Variants in XKR9 observed in about 807,000 individuals in gnomAD.
XKR9 encodes XK-related protein 9.
A neutral mutation model predicts 32.0 loss-of-function variants in XKR9; 32 were observed. That is an observed-to-expected ratio of 1.00 (90% CI 0.76 to 1.34). The LOEUF (loss-of-function observed/expected upper bound fraction) is 1.34. XKR9 is among the 40% of genes most tolerant of loss of function. The pLI is 0.00. For missense variants in XKR9, 546 were observed against 429.7 expected (o/e 1.27, Z -2.39); for synonymous variants, 168 against 143.4 (o/e 1.17, Z -1.22).
the XKR9 span, among the ~76,000 whole-genome samples, chr8:70,925,511 G>A: frequency 2.6e-5 from 4 of 152,134 alleles, no homozygotes; most frequent in Admixed American, 2.6e-4. Context: ...GACTATTAAT[G>A]TTTACAAACA....
the XKR9 span, among the ~76,000 whole-genome samples, chr8:70,959,124 T>A: frequency 6.6e-6 from 1 of 152,156 alleles, no homozygotes; most frequent in Non-Finnish European, 1.5e-5. Flanking sequence ...CTTGTAATCT[T>A]CCTACTCAAT....
At chr8:70,705,299 T>A (rs1805682238) in intron 3 of XKR9, among the ~76,000 whole-genome samples, 1 of 152,120 alleles carries the variant, frequency 6.6e-6, no homozygotes, top group Admixed American at 6.5e-5. Flanking sequence ...TTCATGTAGA[T>A]TACACTCTTG....
At chr8:70,894,503 C>G in the XKR9 span, among the ~76,000 whole-genome samples, 4 of 152,122 alleles carry the variant, frequency 2.6e-5, no homozygotes, top group African/African-American at 4.8e-5. Flanking sequence ...GGATGCCCAG[C>G]TATTCAGCTC....
At chr8:70,857,157 A>G in the XKR9 span, among the ~76,000 whole-genome samples, 9 of 152,140 alleles carry the variant, frequency 5.9e-5, no homozygotes, top group African/African-American at 2.2e-4. Context: ...GACACAAAAA[A>G]CCCTTCAAAA....
intron 1 of XKR9, among the ~76,000 whole-genome samples, chr8:70,673,851 T>A (rs1818797468): frequency 6.6e-6 from 1 of 152,122 alleles, no homozygotes; most frequent in Non-Finnish European, 1.5e-5. Context: ...AGAAATCAGA[T>A]CAAATATTTT....
At chr8:70,858,356 C>T in the XKR9 span, among the ~76,000 whole-genome samples, 2 of 152,056 alleles carry the variant, frequency 1.3e-5, no homozygotes, top group African/African-American at 4.8e-5. Context: ...TGAGTGAACT[C>T]CCATTCACAA....
intron 4 of XKR9, among the ~76,000 whole-genome samples, chr8:70,713,792 G>A (rs1806000215): frequency 6.6e-6 from 1 of 152,024 alleles, no homozygotes; most frequent in African/African-American, 2.4e-5. Flanking sequence ...TTTTTAAAGT[G>A]TAAAGCAAAA....
At chr8:70,688,213 G>C (rs1819374240) in intron 3 of XKR9, among the ~76,000 whole-genome samples, 1 of 152,198 alleles carries the variant, frequency 6.6e-6, no homozygotes. Flanking sequence ...TATATTAGTA[G>C]AAACAGAGGT....
chr8:70,989,348 C>T, the XKR9 span, among the ~76,000 whole-genome samples: 1,525 of 152,242 alleles, frequency 0.01, 24 homozygotes, highest in African/African-American at 0.035. Context: ...ATATTATTTG[C>T]CCTTTGTAAA....
At chr8:70,925,331 G>A in the XKR9 span, among the ~76,000 whole-genome samples, 1 of 152,046 alleles carries the variant, frequency 6.6e-6, no homozygotes, top group Non-Finnish European at 1.5e-5. Context: ...AATAAAGAAC[G>A]AATAGATGGA....
intron 2 of XKR9, among the ~76,000 whole-genome samples, chr8:70,778,903 A>G (rs1363527610): frequency 6.6e-6 from 1 of 152,168 alleles, no homozygotes; most frequent in Non-Finnish European, 1.5e-5. Context: ...AACAGAGACA[A>G]TTTGACTTCC....
the XKR9 span, among the ~76,000 whole-genome samples, chr8:70,998,966 A>G: frequency 6.6e-6 from 1 of 152,130 alleles, no homozygotes; most frequent in East Asian, 1.9e-4. Flanking sequence ...CCACATCTGC[A>G]GATTCAACCA....
At chr8:70,882,468 G>A in the XKR9 span, among the ~76,000 whole-genome samples, 1 of 151,522 alleles carries the variant, frequency 6.6e-6, no homozygotes, top group Non-Finnish European at 1.5e-5. Flanking sequence ...ATGTGATAAT[G>A]TACAGTACTG....
In XKR9 at chr8:70,687,769, T is replaced by C. The variant is rs1016161987; in HGVS notation, c.272+6439T>C. 2.0e-5 allele frequency among the ~76,000 whole-genome samples: 3 copies of C among 152,206 alleles called. No individual in the cohort carries two copies. The East Asian group carries it at 5.8e-4, about 29-fold the overall frequency. On this transcript the variant is annotated intron_variant, in intron 3 of 4. Coordinates refer to ENST00000408926, the MANE Select transcript of XKR9 (RefSeq NM_001011720.2). ...AATATTTGGGTCTTTTGTAGTTATT[T>C]TAATGTTGATTTTTAATTTAATTCT...
At chr8:70,915,640 C>G in the XKR9 span, among the ~76,000 whole-genome samples, 1 of 152,046 alleles carries the variant, frequency 6.6e-6, no homozygotes. Flanking sequence ...CTGATTTTGT[C>G]TATAGGATGA....
At chr8:70,910,664 G>A in the XKR9 span, among the ~76,000 whole-genome samples, 1 of 152,148 alleles carries the variant, frequency 6.6e-6, no homozygotes, top group Non-Finnish European at 1.5e-5. Flanking sequence ...TACAAACGTT[G>A]CAGCTTAAAA....
the XKR9 span, among the ~76,000 whole-genome samples, chr8:71,009,746 T>C: frequency 1.3e-5 from 2 of 152,206 alleles, no homozygotes; most frequent in African/African-American, 2.4e-5. Context: ...ACACTTCCCA[T>C]TCCCAGAATC....
chr8:70,829,319 TG>T, the XKR9 span, among the ~76,000 whole-genome samples: 10 of 152,260 alleles, frequency 6.6e-5, no homozygotes, highest in Non-Finnish European at 1.3e-4. Flanking sequence ...TGACTATTAC[TG>T]TTGCTATTAC....
the XKR9 span, among the ~76,000 whole-genome samples, chr8:70,919,761 A>G: frequency 6.6e-6 from 1 of 152,158 alleles, no homozygotes; most frequent in Non-Finnish European, 1.5e-5. Context: ...AACTGTCTGT[A>G]TGCAGTGTGG....
Sources: gnomAD v4.1 joint callset for allele counts (sites outside exome capture counted in the v4.1 genomes callset) on GRCh38, gnomAD v4.1.1 for gene constraint, MANE v1.5 for transcripts, NCBI Gene and HGNC (gene_info 2026-07-23, HGNC 2026-07-21) for gene names.